The following HECW2 variants were observed in gnomAD, a reference collection of about 807,000 sequenced individuals.
HECW2 encodes the protein E3 ubiquitin-protein ligase HECW2.
HECW2 carries 61 observed loss-of-function variants against 175.2 expected under a neutral mutation model. The ratio of observed to expected loss-of-function variants is 0.35; its 90% CI spans 0.28 to 0.43. The LOEUF (loss-of-function observed/expected upper bound fraction) is 0.43, where lower values mean the gene tolerates loss of function less well. Among genes scored for constraint, HECW2 ranks in the 20% least tolerant of loss-of-function variants. The probability of loss-of-function intolerance (pLI) is 1.00; values close to 1 mark genes in which losing one functional copy is unlikely to be tolerated. For synonymous variants in HECW2, 671 were observed against 731.0 expected (o/e 0.92, Z 1.32); for missense variants, 1,524 against 2,000.5 (o/e 0.76, Z 4.54).
At chr2:196,267,673 G>A (rs552832446) in intron 17 of HECW2, among the ~76,000 whole-genome samples, 24 of 152,146 alleles carry the variant, frequency 1.6e-4, no homozygotes, top group Non-Finnish European at 3.2e-4. Flanking sequence ...CACATAGACA[G>A]GAAGACACAC....
At chr2:196,469,118 T>C (rs144110308) in intron 1 of HECW2, among the ~76,000 whole-genome samples, 121 of 80,162 alleles carry the variant, frequency 1.5e-3, no homozygotes, top group South Asian at 0.011. Flanking sequence ...TGTGTGTGTG[T>C]GCGTGTGTGT....
chr2:196,339,951 C>T (rs545594645), intron 3 of HECW2, among the ~76,000 whole-genome samples: 1 of 152,154 alleles, frequency 6.6e-6, no homozygotes, highest in African/African-American at 2.4e-5. Flanking sequence ...GGACTACCTG[C>T]CTCCTCTGGG....
At chr2:196,548,325 A>G (rs1179511848) in intron 1 of HECW2, among the ~76,000 whole-genome samples, 2 of 146,958 alleles carry the variant, frequency 1.4e-5, no homozygotes, top group Non-Finnish European at 3.0e-5. Flanking sequence ...GCAAGACTCC[A>G]TCTCAAAAAA....
In HECW2 at chr2:196,574,168, G is replaced by A. The variant is rs574050657; in HGVS notation, c.-36+19340C>T. ...TACTTGGCTAGGCATGGCGGCTCAC[G>A]TCTGTAATCCCAGCACTTTGGGAGG... On this transcript the variant is annotated intron_variant, in intron 1 of 28. Transcript: ENST00000644978. Among the ~76,000 whole-genome samples the A allele has an allele frequency of 3.3e-5, 5 of 152,230 alleles. No individual in the cohort carries two copies. The East Asian group carries it at 7.7e-4, about 23-fold the overall frequency.
chr2:196,271,195 G>A lies in HECW2; in HGVS notation c.3333C>T (p.Leu1111=). 1 of 1,571,404 alleles carries A rather than the reference G, an allele frequency of 6.4e-7. No individual in the cohort carries two copies. Among genetic ancestry groups the A allele is most frequent in the South Asian group, 1.1e-5 (1 of 90,060 alleles). ...CCAAATACCAATATTATTGTTACCT[G>A]AGTGAGTGATTCCTGGTAAGATCAG... ...RQPDLTRNHS[L]REKIQFIRTE... Residue 1111 remains leucine, a splice_region_variant and synonymous_variant, in exon 17 of 29, where the codon CTC becomes CTT. Coordinates refer to ENST00000644978, the MANE Select transcript of HECW2 (RefSeq NM_001348768.2).
chr2:196,379,955 TAATA>T (rs1318720174), intron 2 of HECW2, among the ~76,000 whole-genome samples: 1 of 151,152 alleles, frequency 6.6e-6, no homozygotes, highest in African/African-American at 2.4e-5. Context: ...AAAGGTGACA[TAATA>T]AATAAATTGT....
chr2:196,522,356 T>A (rs1287424465), intron 1 of HECW2, among the ~76,000 whole-genome samples: 1 of 152,228 alleles, frequency 6.6e-6, no homozygotes, highest in African/African-American at 2.4e-5. Context: ...TTGTTTGAGT[T>A]CATTGTAGAT....
chr2:196,529,843 T>A (rs543212291), intron 1 of HECW2, among the ~76,000 whole-genome samples: 2 of 152,338 alleles, frequency 1.3e-5, no homozygotes, highest in South Asian at 4.1e-4. Context: ...GCCATTTTCT[T>A]ATTGGATTTC....
chr2:196,425,259 G>C (rs1053322388), intron 2 of HECW2, among the ~76,000 whole-genome samples: 1 of 150,098 alleles, frequency 6.7e-6, no homozygotes, highest in Non-Finnish European at 1.5e-5. Flanking sequence ...AGTCACCTAA[G>C]AGGTCTGATG....
intron 4 of HECW2, among the ~76,000 whole-genome samples, chr2:196,334,181 T>C (rs1692467178): frequency 1.3e-5 from 2 of 152,130 alleles, no homozygotes; most frequent in Non-Finnish European, 1.5e-5. Flanking sequence ...CATGAATGGG[T>C]TCCCCGGAGA....
Position 196,433,476 on chromosome 2 carries a change from A to C in HECW2, c.-35-18T>G. On this transcript the variant is annotated intron_variant, in intron 1 of 28. Coordinates refer to ENST00000644978, the MANE Select transcript of HECW2 (RefSeq NM_001348768.2). ...CTACAAAGCTGCAAGAGACAGATAAACATAAAACATTAGTGCTACAATACG... is the reference window on the plus strand; with the variant it reads ...CTACAAAGCTGCAAGAGACAGATAACCATAAAACATTAGTGCTACAATACG... The C allele has an allele frequency of 6.4e-7, 1 of 1,552,394 alleles. No individual in the cohort carries two copies. The highest frequency in any genetic ancestry group is 1.2e-5 in the South Asian group (1 of 83,116).
chr2:196,225,068 C>A (rs183421940), intron 23 of HECW2, among the ~76,000 whole-genome samples: 1 of 152,192 alleles, frequency 6.6e-6, no homozygotes, highest in Admixed American at 6.5e-5. Flanking sequence ...GCATTCTCAT[C>A]GCAAATTTGA....
intron 19 of HECW2, among the ~76,000 whole-genome samples, chr2:196,251,684 T>A (rs908537198): frequency 6.6e-6 from 1 of 152,182 alleles, no homozygotes; most frequent in Non-Finnish European, 1.5e-5. Context: ...TGTCTCTGCA[T>A]CCTACATATC....
intron 1 of HECW2, among the ~76,000 whole-genome samples, chr2:196,443,022 A>G (rs1307897933): frequency 6.6e-6 from 1 of 152,184 alleles, no homozygotes; most frequent in East Asian, 1.9e-4. Flanking sequence ...AAGGAAAATA[A>G]TGAACCAAAG....
intron 6 of HECW2, among the ~76,000 whole-genome samples, 183 bp downstream of exon 6, chr2:196,324,797 C>A (rs1692083558): frequency 6.6e-6 from 1 of 152,106 alleles, no homozygotes; most frequent in Admixed American, 6.5e-5. Context: ...GTGACAGCTT[C>A]ATTTGTCTTA....
rs1394945179 is a variant in HECW2, at chr2:196,200,220, T to C, written c.*1057A>G. ...ACACGGCACTGTGAAGGAAGTTTGA[T>C]TTAGAAGCTATTTTCTATTATACTT... is the stretch of plus-strand genomic sequence containing the variant. On this transcript the variant is annotated 3_prime_UTR_variant, in exon 29 of 29. Transcript: ENST00000644978. The C allele has an allele frequency of 6.5e-6, 1 of 152,764 alleles. No individual in the cohort carries two copies. The highest frequency in any genetic ancestry group is 2.1e-4 in the South Asian group (1 of 4,832). 9.5% of individuals were successfully genotyped at this position (152,764 alleles called of 1,614,324 possible).
At chr2:196,528,095 G>A (rs999054964) in intron 1 of HECW2, among the ~76,000 whole-genome samples, 1 of 152,168 alleles carries the variant, frequency 6.6e-6, no homozygotes, top group African/African-American at 2.4e-5. Context: ...GGAGGTGATA[G>A]CAACTGTAAT....
chr2:196,357,553 T>C (rs1164053584), intron 2 of HECW2, among the ~76,000 whole-genome samples: 2 of 152,236 alleles, frequency 1.3e-5, no homozygotes, highest in Non-Finnish European at 2.9e-5. Flanking sequence ...ATTTTTACTA[T>C]AGCACTAGTG....
intron 2 of HECW2, among the ~76,000 whole-genome samples, chr2:196,415,461 G>A (rs1446257142): frequency 6.6e-6 from 1 of 152,206 alleles, no homozygotes; most frequent in Non-Finnish European, 1.5e-5. Context: ...GACAGAGGTT[G>A]GGATTCAATA....
Sources: allele counts gnomAD v4.1 joint callset (sites outside exome capture counted in the v4.1 genomes callset), GRCh38; gene constraint gnomAD v4.1.1; transcripts MANE v1.5; gene names NCBI Gene and HGNC (gene_info 2026-07-23, HGNC 2026-07-21).